Variants in ADARB2 observed in about 807,000 individuals in gnomAD.
The protein encoded by ADARB2 is inactive double-stranded RNA-specific editase B2.
In ADARB2, 25 loss-of-function variants were observed where a neutral mutation model predicts 62.2. The ratio of observed to expected loss-of-function variants is 0.40; its 90% CI spans 0.29 to 0.56. The LOEUF (loss-of-function observed/expected upper bound fraction) is 0.56. Among genes scored for constraint, ADARB2 ranks in the 20% least tolerant of loss-of-function variants. The pLI is 0.43. For missense variants in ADARB2, 1,071 were observed against 1,077.4 expected, an observed-to-expected ratio of 0.99 and a Z score of 0.08; for synonymous variants, 572 against 500.8, an observed-to-expected ratio of 1.14 and a Z score of -1.90.
intron 6 of ADARB2, among the ~76,000 whole-genome samples, chr10:1,218,912 T>C (rs1351356192): frequency 6.7e-6 from 1 of 149,918 alleles, no homozygotes; most frequent in Non-Finnish European, 1.5e-5. Flanking sequence ...TAGCCGGGCG[T>C]GGTGGCGGGC....
At chr10:1,679,343 GCAC>G (rs1372691636) in intron 1 of ADARB2, among the ~76,000 whole-genome samples, 4 of 152,084 alleles carry the variant, frequency 2.6e-5, no homozygotes, top group Non-Finnish European at 5.9e-5. Context: ...CCTGTGCCGG[GCAC>G]CACAATAGCC....
chr10:1,397,760 G>A (rs76431267), intron 1 of ADARB2, among the ~76,000 whole-genome samples: 1 of 68,818 alleles, frequency 1.5e-5, no homozygotes, highest in African/African-American at 6.4e-5. Flanking sequence ...GTCACCGTCC[G>A]TCTCTCCCCT....
chr10:1,645,744 T>C (rs906123540), intron 1 of ADARB2, among the ~76,000 whole-genome samples: 1 of 151,826 alleles, frequency 6.6e-6, no homozygotes, highest in African/African-American at 2.4e-5. Flanking sequence ...ATCACGAAAC[T>C]CTGCAATGTT....
intron 1 of ADARB2, among the ~76,000 whole-genome samples, chr10:1,485,282 G>T (rs1237427027): frequency 1.3e-5 from 2 of 152,040 alleles, no homozygotes; most frequent in Non-Finnish European, 1.5e-5. Flanking sequence ...GTACTTGGAG[G>T]TAGGTACCTA....
rs574780299 is a variant in ADARB2, at chr10:1,473,025, C to T, written c.101-93865G>A. Among the ~76,000 whole-genome samples, 11 of 152,254 alleles carry T rather than the reference C, an allele frequency of 7.2e-5. No homozygotes were observed. In the South Asian group the frequency reaches 1.7e-3, roughly 23 times the overall value. On this transcript the variant is annotated intron_variant, in intron 1 of 9. Transcript: ENST00000381312. ...CAGGAACTGGGCTAGTGGGCTCAGG[C>T]GTGCACATGTGGACAGCCCACTCCA...
intron 1 of ADARB2, among the ~76,000 whole-genome samples, chr10:1,461,529 G>T (rs534183068): frequency 2.9e-4 from 44 of 150,616 alleles, no homozygotes; most frequent in Non-Finnish European, 4.6e-4. Flanking sequence ...TTTTTTTAAA[G>T]AAATTTGCCC....
intron 1 of ADARB2, among the ~76,000 whole-genome samples, chr10:1,602,200 AC>A (rs1833425913): frequency 6.6e-6 from 1 of 152,176 alleles, no homozygotes; most frequent in Non-Finnish European, 1.5e-5. Flanking sequence ...CCTGATGTGG[AC>A]TTTCAAACTG....
At chr10:1,425,685 G>T (rs547740806) in intron 1 of ADARB2, among the ~76,000 whole-genome samples, 1 of 152,220 alleles carries the variant, frequency 6.6e-6, no homozygotes, top group African/African-American at 2.4e-5. Flanking sequence ...ATAAAAACCA[G>T]CTGTGCTCCT....
At chr10:1,377,440 T>C (rs1400975657) in intron 2 of ADARB2, among the ~76,000 whole-genome samples, 4 of 140,824 alleles carry the variant, frequency 2.8e-5, no homozygotes, top group Non-Finnish European at 6.2e-5. Context: ...TGTATGCTCC[T>C]GGGGTGTGCA....
At chr10:1,621,588 G>T (rs1833704389) in intron 1 of ADARB2, among the ~76,000 whole-genome samples, 2 of 152,064 alleles carry the variant, frequency 1.3e-5, no homozygotes, top group African/African-American at 2.4e-5. Context: ...GCTAGTTTTT[G>T]TATTACTTGT....
At chr10:1,580,262 C>T (rs1177432148) in intron 1 of ADARB2, among the ~76,000 whole-genome samples, 2 of 152,144 alleles carry the variant, frequency 1.3e-5, no homozygotes, top group African/African-American at 2.4e-5. Context: ...AATCCTTGCC[C>T]TCCTCCTGCC....
At chr10:1,459,976 G>A (rs1831148854) in intron 1 of ADARB2, among the ~76,000 whole-genome samples, 3 of 130,890 alleles carry the variant, frequency 2.3e-5, no homozygotes, top group Admixed American at 7.5e-5. Flanking sequence ...GTTTACCTGT[G>A]TAGCAAACCT....
At chr10:1,221,846 CTT>C (rs1830698576) in intron 6 of ADARB2, among the ~76,000 whole-genome samples, 1 of 152,132 alleles carries the variant, frequency 6.6e-6, no homozygotes, top group Non-Finnish European at 1.5e-5. Flanking sequence ...GGTTCCAAGT[CTT>C]TGCTATTGTG....
chr10:1,678,186 A>G (rs1452855816), intron 1 of ADARB2: 44 of 985,328 alleles, frequency 4.5e-5, no homozygotes, highest in Non-Finnish European at 5.2e-5. Context: ...GCCCAGGGCA[A>G]TGCCACAGGA....
At chr10:1,428,291 T>C (rs894709524) in intron 1 of ADARB2, among the ~76,000 whole-genome samples, 2 of 135,608 alleles carry the variant, frequency 1.5e-5, no homozygotes, top group Non-Finnish European at 3.0e-5. Flanking sequence ...TTTTTATGCC[T>C]ATTTTTTTTT....
intron 1 of ADARB2, among the ~76,000 whole-genome samples, chr10:1,501,713 A>G (rs1345244663): frequency 2.0e-5 from 3 of 152,238 alleles, no homozygotes; most frequent in Non-Finnish European, 4.4e-5. Context: ...TAAACTAGCC[A>G]GGGGAATTTA....
At chr10:1,191,383 C>T (rs1017798913) in intron 8 of ADARB2, among the ~76,000 whole-genome samples, 1 of 152,134 alleles carries the variant, frequency 6.6e-6, no homozygotes, top group Non-Finnish European at 1.5e-5. Flanking sequence ...TTGGGTAGGA[C>T]CTTGGATTTG....
intron 2 of ADARB2, among the ~76,000 whole-genome samples, chr10:1,375,235 G>A (rs1456723753): frequency 6.6e-6 from 1 of 152,234 alleles, no homozygotes; most frequent in African/African-American, 2.4e-5. Flanking sequence ...CCTCTGGGCG[G>A]TGGTCAGCAG....
intron 1 of ADARB2, among the ~76,000 whole-genome samples, chr10:1,409,184 C>G (rs1050150654): frequency 6.9e-6 from 1 of 145,624 alleles, no homozygotes; most frequent in East Asian, 2.2e-4. Context: ...CTCTGCCTTC[C>G]TCGACCCGCC....
Sources: gnomAD v4.1 joint callset for allele counts (sites outside exome capture counted in the v4.1 genomes callset) on GRCh38, gnomAD v4.1.1 for gene constraint, MANE v1.5 for transcripts, NCBI Gene and HGNC (gene_info 2026-07-23, HGNC 2026-07-21) for gene names.